TOP2B: variants seen among roughly 807,000 people sequenced by gnomAD.
The protein encoded by TOP2B is DNA topoisomerase II beta.
In TOP2B, 51 loss-of-function variants were observed where a neutral mutation model predicts 193.5. That is an observed-to-expected ratio of 0.26 (90% confidence interval 0.21 to 0.33). TOP2B has a LOEUF of 0.33. Among genes scored for constraint, TOP2B ranks in the 10% least tolerant of loss-of-function variants. The pLI, the probability that TOP2B is intolerant of heterozygous loss-of-function variation, is 1.00. For missense variants in TOP2B, 1,378 were observed against 1,909.3 expected, an observed-to-expected ratio of 0.72 and a Z score of 5.19; for synonymous variants, 634 against 635.7, an observed-to-expected ratio of 1.00 and a Z score of 0.04.
chr3:25,608,029 CCCT>C (rs201749460), intron 30 of TOP2B, among the ~76,000 whole-genome samples: 2,041 of 152,256 alleles, frequency 0.013, 49 homozygotes, highest in African/African-American at 0.045. Flanking sequence ...AAGTGATCCT[CCCT>C]CCTCAGCCTC....
chr3:25,638,737 A>C (rs1383660813), intron 4 of TOP2B, among the ~76,000 whole-genome samples: 1 of 152,126 alleles, frequency 6.6e-6, no homozygotes, highest in Non-Finnish European at 1.5e-5. Context: ...GGCATCCTTA[A>C]CATTCTCTAA....
intron 1 of TOP2B, among the ~76,000 whole-genome samples, chr3:25,663,465 C>T (rs1467077273): frequency 1.3e-5 from 2 of 152,106 alleles, no homozygotes; most frequent in Non-Finnish European, 2.9e-5. Flanking sequence ...ATCCAGTCTC[C>T]CTTCCTCCTT....
chr3:25,599,034 G>A (rs1702013913), intron 35 of TOP2B, among the ~76,000 whole-genome samples: 1 of 151,756 alleles, frequency 6.6e-6, no homozygotes, highest in Non-Finnish European at 1.5e-5. Context: ...AAAAGGGTCA[G>A]ACTAATTGGA....
At chr3:25,646,242 C>A (rs904626160) in intron 1 of TOP2B, among the ~76,000 whole-genome samples, 5 of 152,138 alleles carry the variant, frequency 3.3e-5, no homozygotes, top group African/African-American at 1.2e-4. Context: ...ATGACCTACA[C>A]AAAATATTAA....
At chr3:25,662,092 C>G (rs1455450998) in intron 1 of TOP2B, among the ~76,000 whole-genome samples, 1 of 152,204 alleles carries the variant, frequency 6.6e-6, no homozygotes, top group African/African-American at 2.4e-5. Context: ...TTTGAGTGTG[C>G]ATTTCTTGAA....
chr3:25,609,546 C>G (rs746755318), intron 29 of TOP2B, 22 bp downstream of exon 29: 1 of 1,600,438 alleles, frequency 6.2e-7, no homozygotes, highest in South Asian at 1.1e-5. Flanking sequence ...CACACACATG[C>G]AAAACTATAA....
At chr3:25,664,189 G>C (rs1441470775) in intron 1 of TOP2B, 40 bp downstream of exon 1, 2 of 1,499,686 alleles carry the variant, frequency 1.3e-6, no homozygotes, top group East Asian at 5.3e-5. Context: ...CCGCGGGCCC[G>C]GAACAATGCA....
intron 25 of TOP2B, among the ~76,000 whole-genome samples, chr3:25,616,584 C>A (rs532838663): frequency 1.9e-4 from 29 of 152,002 alleles, no homozygotes; most frequent in African/African-American, 6.5e-4. Context: ...TAGCCAAATA[C>A]GGAATGCTAT....
chr3:25,609,076 C>A, intron 30 of TOP2B, 107 bp downstream of exon 30: 2 of 1,000,276 alleles, frequency 2.0e-6, no homozygotes, highest in Non-Finnish European at 2.7e-6. Context: ...CTAACTTTAA[C>A]TTCTGAAATA....
At chr3:25,599,384 G>C (rs1326856435) in intron 35 of TOP2B, 51 bp downstream of exon 35, 3 of 1,559,090 alleles carry the variant, frequency 1.9e-6, no homozygotes, top group East Asian at 4.5e-5. Context: ...GTCACTTACA[G>C]ATCTTTTTTT....
rs1575562189 is a variant in TOP2B at position 25,607,080 on chromosome 3, G to T, written c.4298+91C>A. Reference sequence around the variant, plus strand: ...TCATGAAGAAGAACTTGCCTAGAATGATAACAATTTCTTAGAAGAGCTCAC... The same window carrying T: ...TCATGAAGAAGAACTTGCCTAGAATTATAACAATTTCTTAGAAGAGCTCAC... On this transcript the variant is annotated intron_variant, in intron 31 of 35. Coordinates refer to ENST00000264331, the MANE Select transcript of TOP2B (RefSeq NM_001330700.2). 6 of 1,489,488 alleles carry T rather than the reference G, an allele frequency of 4.0e-6. No homozygotes were observed. In the Admixed American group the frequency reaches 1.3e-4, roughly 33 times the overall value. The allele number at this position is 1,489,488 out of a possible 1,614,324, so 92.3% of individuals were successfully genotyped here.
chr3:25,638,107 T>G (rs1703153564), intron 5 of TOP2B, 58 bp downstream of exon 5: 2 of 1,440,400 alleles, frequency 1.4e-6, no homozygotes, highest in East Asian at 5.0e-5. Flanking sequence ...CTTAGTAAGT[T>G]ATACATTTTA....
chr3:25,609,740 C>CT (rs1702322654), intron 28 of TOP2B, 28 bp from the exon 29 acceptor site: 1 of 1,411,482 alleles, frequency 7.1e-7, no homozygotes, highest in Admixed American at 3.4e-5. Context: ...AATCAAGCCA[C>CT]GAGTAAAAAT....
Position 25,606,103 on chromosome 3 carries a change from T to C in TOP2B, c.4318A>G (p.Lys1440Glu), listed in dbSNP as rs1357072633. 2 of 1,502,136 alleles carry C rather than the reference T, an allele frequency of 1.3e-6. No individual in the cohort carries two copies. Among genetic ancestry groups the C allele is most frequent in the Admixed American group, 4.1e-5 (2 of 48,456 alleles). The allele number at this position is 1,502,136 out of a possible 1,614,324, so 93.1% of individuals were successfully genotyped here. A position where few individuals can be genotyped will look rare whatever the true frequency, so the allele number is the denominator to read the frequency against. The change falls in exon 32 of 36, where the codon AAA (lysine) becomes GAA (glutamate). Residue 1440 changes from lysine (K) to glutamate (E), a missense_variant. Physicochemically the swap from Lys to Glu is moderately conservative, Grantham distance 56 (BLOSUM62 1). Coordinates refer to ENST00000264331, the MANE Select transcript of TOP2B (RefSeq NM_001330700.2). ...AAGAGATTTCCAAAATCCTGACTTT[T>C]TTTGTCATGCAAAGATTTTCTATTA... Reference protein sequence around the residue: ...ATPEKSLHDKKSQDFGNLFSF... With the variant: ...ATPEKSLHDKESQDFGNLFSF...
At chr3:25,628,522 C>G (rs368065064) in intron 15 of TOP2B, among the ~76,000 whole-genome samples, 1 of 152,104 alleles carries the variant, frequency 6.6e-6, no homozygotes. Context: ...TTATGGGTTA[C>G]TTAAAAAAAT....
chr3:25,643,863 C>T, intron 2 of TOP2B, 79 bp from the exon 3 acceptor site: 2 of 1,000,394 alleles, frequency 2.0e-6, no homozygotes, highest in Non-Finnish European at 3.1e-6. Context: ...CACATCCTGT[C>T]ATTTACACTA....
intron 1 of TOP2B, among the ~76,000 whole-genome samples, chr3:25,659,219 G>A (rs138369008): frequency 1.3e-5 from 2 of 152,246 alleles, no homozygotes; most frequent in African/African-American, 4.8e-5. Flanking sequence ...ATATGTAAAT[G>A]GAGAGGCCAT....
chr3:25,622,862 G>C (rs1414864754), intron 21 of TOP2B, among the ~76,000 whole-genome samples: 2 of 152,134 alleles, frequency 1.3e-5, no homozygotes, highest in Non-Finnish European at 2.9e-5. Context: ...GGCTGGCCTA[G>C]AACTCCTGAC....
intron 2 of TOP2B, among the ~76,000 whole-genome samples, 200 bp from the exon 3 acceptor site, chr3:25,643,984 CAA>C (rs1288250010): frequency 1.1e-4 from 16 of 151,828 alleles, no homozygotes; most frequent in Admixed American, 9.8e-4. Flanking sequence ...CATTTTGTAT[CAA>C]GTTTGTATTA....
Sources: gnomAD v4.1 joint callset for allele counts (sites outside exome capture counted in the v4.1 genomes callset) on GRCh38, gnomAD v4.1.1 for gene constraint, MANE v1.5 for transcripts, NCBI Gene and HGNC (gene_info 2026-07-23, HGNC 2026-07-21) for gene names.